The following PLPP1 variants were observed in gnomAD, a reference collection of about 807,000 sequenced individuals.
PLPP1 encodes lipid phosphate phosphohydrolase 1a.
In PLPP1, 24 loss-of-function variants were observed where a neutral mutation model predicts 31.2. The ratio of observed to expected loss-of-function variants is 0.77; its 90% CI spans 0.56 to 1.08. The LOEUF is 1.08. PLPP1 is among the 50% of genes least tolerant of loss of function. The probability of loss-of-function intolerance (pLI) is 0.00; values close to 1 mark genes in which losing one functional copy is unlikely to be tolerated. For synonymous variants in PLPP1, 146 were observed against 126.3 expected (o/e 1.16, Z -1.05); for missense variants, 319 against 342.7 (o/e 0.93, Z 0.55).
chr5:55,453,662 G>A (rs547482221), intron 3 of PLPP1, among the ~76,000 whole-genome samples: 14 of 152,184 alleles, frequency 9.2e-5, no homozygotes, highest in South Asian at 4.1e-4. Flanking sequence ...GTCTTAGGCC[G>A]GATACCGTTG....
At chr5:55,436,598 C>T (rs1043842006) in intron 4 of PLPP1, among the ~76,000 whole-genome samples, 11 of 152,164 alleles carry the variant, frequency 7.2e-5, no homozygotes, top group African/African-American at 2.2e-4. Flanking sequence ...CACTCCAAAA[C>T]GTGTGGCTCC....
At chr5:55,523,525 T>C (rs922938137) in intron 1 of PLPP1, among the ~76,000 whole-genome samples, 4 of 152,104 alleles carry the variant, frequency 2.6e-5, no homozygotes, top group African/African-American at 7.2e-5. Flanking sequence ...CTCACTTCCG[T>C]CATCTACAGA....
chr5:55,531,175 C>T (rs1396055489), intron 1 of PLPP1, among the ~76,000 whole-genome samples: 3 of 152,212 alleles, frequency 2.0e-5, no homozygotes, highest in Admixed American at 6.5e-5. Context: ...AATTCTCATT[C>T]TTTTTCCAAG....
intron 2 of PLPP1, among the ~76,000 whole-genome samples, chr5:55,469,511 TAA>T (rs11339238): frequency 2.8e-3 from 400 of 143,824 alleles, no homozygotes; most frequent in African/African-American, 4.4e-3. Flanking sequence ...TAATAAAAAT[TAA>T]AAAAAAAAAA....
At chr5:55,463,621 G>C (rs1752217591) in intron 3 of PLPP1, among the ~76,000 whole-genome samples, 1 of 151,886 alleles carries the variant, frequency 6.6e-6, no homozygotes, top group South Asian at 2.1e-4. Flanking sequence ...CGGCGACAGA[G>C]TGAGGCTCTG....
chr5:55,491,860 GAAAAAAA>G (rs35303375), intron 1 of PLPP1, among the ~76,000 whole-genome samples: 2 of 102,290 alleles, frequency 2.0e-5, no homozygotes, highest in Admixed American at 1.2e-4. Context: ...TCAATCTCAG[GAAAAAAA>G]AAAAAAAAAG....
At chr5:55,462,008 TGAAAACTAAAAAAC>T (rs1752176640) in intron 3 of PLPP1, among the ~76,000 whole-genome samples, 1 of 151,390 alleles carries the variant, frequency 6.6e-6, no homozygotes, top group African/African-American at 2.4e-5. Context: ...ACCCAGACCC[TGAAAACTAAAAAAC>T]ACTGGCATGA....
At chr5:55,479,132 C>G (rs964741733) in intron 1 of PLPP1, among the ~76,000 whole-genome samples, 2 of 151,280 alleles carry the variant, frequency 1.3e-5, no homozygotes, top group Non-Finnish European at 2.9e-5. Context: ...TCAAGCGATT[C>G]TCCTGCCTCA....
chr5:55,496,387 G>A (rs552599296), intron 1 of PLPP1, among the ~76,000 whole-genome samples: 2 of 152,072 alleles, frequency 1.3e-5, no homozygotes, highest in South Asian at 2.1e-4. Flanking sequence ...TGTAATAACC[G>A]CCGGGCGTGG....
intron 1 of PLPP1, among the ~76,000 whole-genome samples, chr5:55,511,646 T>G (rs1158912596): frequency 1.4e-5 from 2 of 141,502 alleles, no homozygotes; most frequent in African/African-American, 2.6e-5. Context: ...TTAACACGTG[T>G]TGAGTTTTTT....
intron 3 of PLPP1, among the ~76,000 whole-genome samples, chr5:55,443,866 C>T (rs1036494139): frequency 2.6e-5 from 1 of 38,236 alleles, no homozygotes. Context: ...AGTAATTTAA[C>T]AAACAGATCA....
At position 55,426,065 on chromosome 5, in the gene PLPP1, A is replaced by T. The variant is rs370555407; in HGVS notation, c.550-26T>A. Reference sequence around the variant, plus strand: ...CTAAAAGAAAAGAATAAAGAAAAAAATAGTTTATTTAACATAACGCAAAAC... The same window carrying T: ...CTAAAAGAAAAGAATAAAGAAAAAATTAGTTTATTTAACATAACGCAAAAC... On this transcript the variant is annotated intron_variant, in intron 4 of 5. Transcript: ENST00000307259. 5 of 1,550,028 alleles carry T rather than the reference A, an allele frequency of 3.2e-6. No homozygotes were observed. The African/African-American group carries it at 5.6e-5, about 17-fold the overall frequency.
chr5:55,533,464 A>G lies in PLPP1; in HGVS notation c.58+1108T>C, dbSNP rs967276939. Among the ~76,000 whole-genome samples, 14 of 152,276 alleles carry G rather than the reference A, an allele frequency of 9.2e-5. No homozygotes were observed. The East Asian group carries it at 1.5e-3, about 17-fold the overall frequency. ...TGGTAACAGAATTTATAAGAATTCC[A>G]CAAGATTGCAAGGGCCTAAATGACC... On this transcript the variant is annotated intron_variant, in intron 1 of 5. Coordinates refer to ENST00000307259, the MANE Select transcript of PLPP1 (RefSeq NM_003711.4).
intron 1 of PLPP1, among the ~76,000 whole-genome samples, chr5:55,512,524 GAAA>G (rs1315631366): frequency 0.031 from 284 of 9,310 alleles, 19 homozygotes; most frequent in African/African-American, 0.062. Flanking sequence ...AAGAAAGAAA[GAAA>G]GAAAGAAAGA....
At position 55,534,964 on chromosome 5, in the gene PLPP1, C is replaced by G. The variant is rs1019388794; in HGVS notation, c.-335G>C. On this transcript the variant is annotated 5_prime_UTR_variant, in exon 1 of 6. Coordinates refer to ENST00000307259, the MANE Select transcript of PLPP1 (RefSeq NM_003711.4). ...CCGTCCGGATCCCGGCGCTCTCTCCCACAGGCGGGGCGTCCAGACTCTCGC... is the reference window on the plus strand; with the variant it reads ...CCGTCCGGATCCCGGCGCTCTCTCCGACAGGCGGGGCGTCCAGACTCTCGC... The G allele has an allele frequency of 5.8e-6, 2 of 344,048 alleles. No individual in the cohort carries two copies. The highest frequency in any genetic ancestry group is 1.1e-5 in the Non-Finnish European group (2 of 188,188). 21.3% of individuals were successfully genotyped at this position (344,048 alleles called of 1,614,324 possible). A position where few individuals can be genotyped will look rare whatever the true frequency, so the allele number is the denominator to read the frequency against.
At chr5:55,458,708 T>G (rs1363940743) in intron 3 of PLPP1, among the ~76,000 whole-genome samples, 2 of 151,252 alleles carry the variant, frequency 1.3e-5, no homozygotes, top group African/African-American at 4.9e-5. Context: ...TCCAACATGG[T>G]GAAACCCCAT....
At chr5:55,478,552 G>A (rs1752605917) in intron 1 of PLPP1, among the ~76,000 whole-genome samples, 1 of 152,128 alleles carries the variant, frequency 6.6e-6, no homozygotes, top group Non-Finnish European at 1.5e-5. Context: ...GATAGAAAGG[G>A]TCTCTAAAGT....
intron 3 of PLPP1, among the ~76,000 whole-genome samples, chr5:55,465,387 T>C (rs1320391940): frequency 6.6e-6 from 1 of 152,120 alleles, no homozygotes; most frequent in Admixed American, 6.5e-5. Context: ...TAAATATGTA[T>C]GGTATTTTTT....
chr5:55,446,575 T>C (rs1477929490), intron 3 of PLPP1, among the ~76,000 whole-genome samples: 1 of 152,200 alleles, frequency 6.6e-6, no homozygotes, highest in Non-Finnish European at 1.5e-5. Context: ...CATAGGTCCA[T>C]TTATATTAGA....
Sources: allele counts gnomAD v4.1 joint callset (sites outside exome capture counted in the v4.1 genomes callset), GRCh38; gene constraint gnomAD v4.1.1; transcripts MANE v1.5; gene names NCBI Gene and HGNC (gene_info 2026-07-23, HGNC 2026-07-21).